The following RNF19A variants were observed in gnomAD, a reference collection of about 807,000 sequenced individuals.
RNF19A encodes ring finger protein 19A, RBR E3 ubiquitin protein ligase, also known as E3 ubiquitin-protein ligase RNF19A.
A neutral mutation model predicts 75.7 loss-of-function variants in RNF19A; 32 were observed. The observed-to-expected ratio is 0.42, with a 90% CI of 0.32 to 0.57. The LOEUF is 0.57. RNF19A is among the 20% of genes least tolerant of loss of function. The pLI, the probability that RNF19A is intolerant of heterozygous loss-of-function variation, is 0.10. For missense variants in RNF19A, 782 were observed against 1,036.3 expected (o/e 0.75, Z 3.37); for synonymous variants, 335 against 345.2 (o/e 0.97, Z 0.33).
At chr8:100,304,225 G>C (rs1821970247) in intron 1 of RNF19A, among the ~76,000 whole-genome samples, 1 of 152,112 alleles carries the variant, frequency 6.6e-6, no homozygotes, top group Non-Finnish European at 1.5e-5. Flanking sequence ...GCCTCCCAAA[G>C]TGCTGGAATT....
chr8:100,310,282 G>C (rs1822254433), upstream of RNF19A: 1 of 974,852 alleles, frequency 1.0e-6, no homozygotes. Context: ...CCGCGCCCGC[G>C]CAGGAGCCGC....
Position 100,288,260 on chromosome 8 carries a change from T to C in RNF19A, c.-86A>G, listed in dbSNP as rs755264715. 1.4e-4 allele frequency: 186 copies of C among 1,376,180 alleles called. No homozygotes were observed. Among genetic ancestry groups the C allele is most frequent in the Middle Eastern group, 2.5e-4 (1 of 3,996 alleles). The allele number at this position is 1,376,180 out of a possible 1,614,324, so 85.2% of individuals were successfully genotyped here. A position where few individuals can be genotyped will look rare whatever the true frequency, so the allele number is the denominator to read the frequency against. ...TTCGATTTACAGAAGACTGCTATCA[T>C]GGATGTTCTGAAAAATAAAAAATAA... On this transcript the variant is annotated 5_prime_UTR_variant, in exon 2 of 10. The change abolishes an upstream ATG in the 5' untranslated region. Coordinates refer to ENST00000341084, the MANE Select transcript of RNF19A (RefSeq NM_183419.4).
Position 100,287,588 on chromosome 8 carries a change from ACAT to A in RNF19A, c.584_586del (p.Asp195del). On this transcript the variant is annotated inframe_deletion, in exon 2 of 10. Coordinates refer to ENST00000341084, the MANE Select transcript of RNF19A (RefSeq NM_183419.4). The surrounding 1 kb of genome is among the most constrained non-coding windows in gnomAD (Gnocchi z 4.1). ...AAATTCTTCGTATTTTTCCATCAAG[ACAT>A]CATCACTTAATATCAAGCGAATATC... The A allele has an allele frequency of 6.2e-7, 1 of 1,614,138 alleles. No individual in the cohort carries two copies.
chr8:100,280,924 C>T (rs1174319446), intron 2 of RNF19A, among the ~76,000 whole-genome samples: 2 of 152,164 alleles, frequency 1.3e-5, no homozygotes, highest in Non-Finnish European at 2.9e-5. Flanking sequence ...AAATTAAATA[C>T]AAGACACTTG....
intron 1 of RNF19A, among the ~76,000 whole-genome samples, chr8:100,328,549 G>C (rs1311714509): frequency 6.6e-6 from 1 of 151,756 alleles, no homozygotes; most frequent in Non-Finnish European, 1.5e-5. Context: ...TCGGCTCCCT[G>C]CAACCTCCAC....
intron 1 of RNF19A, among the ~76,000 whole-genome samples, chr8:100,305,213 T>C (rs562467791): frequency 6.6e-6 from 1 of 152,256 alleles, no homozygotes; most frequent in Non-Finnish European, 1.5e-5. Flanking sequence ...GATTACAGGA[T>C]TATACATTGG....
intron 1 of RNF19A, among the ~76,000 whole-genome samples, chr8:100,295,523 A>G (rs915326769): frequency 6.6e-6 from 1 of 152,206 alleles, no homozygotes; most frequent in Admixed American, 6.6e-5. Flanking sequence ...ACTATTTTGG[A>G]TCTGCTCAGC....
At chr8:100,314,577 C>T (rs1822346567), upstream of RNF19A, among the ~76,000 whole-genome samples, 1 of 152,148 alleles carries the variant, frequency 6.6e-6, no homozygotes, top group Non-Finnish European at 1.5e-5. The surrounding 1 kb of genome is among the most constrained non-coding windows in gnomAD (Gnocchi z 4.1). Flanking sequence ...TCCCCCCATC[C>T]TTTCCTGTCT....
chr8:100,304,026 G>A (rs1341717911), intron 1 of RNF19A, among the ~76,000 whole-genome samples: 2 of 151,950 alleles, frequency 1.3e-5, no homozygotes, highest in Non-Finnish European at 2.9e-5. Context: ...TCGCAATCTC[G>A]GCTCACTATA....
chr8:100,320,955 A>T (rs1466121469), intron 1 of RNF19A, among the ~76,000 whole-genome samples: 3 of 152,258 alleles, frequency 2.0e-5, no homozygotes, highest in Non-Finnish European at 4.4e-5. Context: ...ATTTAAAAAT[A>T]CTTCATTGCT....
At chr8:100,285,459 T>G (rs1438630599) in intron 2 of RNF19A, among the ~76,000 whole-genome samples, 1 of 152,290 alleles carries the variant, frequency 6.6e-6, no homozygotes, top group East Asian at 1.9e-4. Context: ...CCTATTGTGT[T>G]CAATTAGGTT....
intron 1 of RNF19A, among the ~76,000 whole-genome samples, chr8:100,326,800 A>G (rs560446738): frequency 1.3e-5 from 2 of 152,268 alleles, no homozygotes; most frequent in African/African-American, 2.4e-5. Flanking sequence ...GTCTGTATCA[A>G]ACACAAAACT....
intron 5 of RNF19A, 140 bp downstream of exon 5, chr8:100,268,645 A>G: frequency 2.2e-6 from 1 of 453,156 alleles, no homozygotes; most frequent in Non-Finnish European, 3.7e-6. Context: ...AAAAAGAGTA[A>G]CTGTTTTATA....
At position 100,260,046 on chromosome 8, in the gene RNF19A, A is replaced by G; in HGVS notation, c.1683-49T>C. The G allele has an allele frequency of 6.7e-7, 1 of 1,482,152 alleles. No individual in the cohort carries two copies. The highest frequency in any genetic ancestry group is 1.4e-5 in the African/African-American group (1 of 71,852). The allele number at this position is 1,482,152 out of a possible 1,614,324, so 91.8% of individuals were successfully genotyped here. ...CAAAATTATATTTAATATCAGCACT[A>G]CTGTAATATGTATCTTTAAATAATT... On this transcript the variant is annotated intron_variant, in intron 8 of 9. Coordinates refer to ENST00000341084, the MANE Select transcript of RNF19A (RefSeq NM_183419.4). The surrounding 1 kb of genome is among the most constrained non-coding windows in gnomAD (Gnocchi z 4.1).
chr8:100,315,013 C>T (rs954359636), intron 1 of RNF19A, among the ~76,000 whole-genome samples: 7 of 152,126 alleles, frequency 4.6e-5, no homozygotes, highest in Non-Finnish European at 7.4e-5. Context: ...AAACTGACAT[C>T]GAGAAAATCA....
At chr8:100,279,204 T>C (rs1820664724) in intron 2 of RNF19A, among the ~76,000 whole-genome samples, 1 of 152,152 alleles carries the variant, frequency 6.6e-6, no homozygotes, top group Admixed American at 6.5e-5. Context: ...ATTATATCAA[T>C]AGTGATATTA....
Position 100,324,799 on chromosome 8 carries a change from T to G in RNF19A, c.-243+11309A>C, listed in dbSNP as rs1310372103. Among the ~76,000 whole-genome samples, 3 of 151,958 alleles carry G rather than the reference T, an allele frequency of 2.0e-5. No individual in the cohort carries two copies. Among genetic ancestry groups the G allele is most frequent in the Non-Finnish European group, 2.9e-5 (2 of 67,938 alleles). On this transcript the variant is annotated intron_variant, in intron 1 of 3. Transcript: ENST00000519527. This position sits in a 1 kb window ranked among gnomAD's most constrained non-coding sequence, Gnocchi z 4.2. ...CATTGATCTATCTTTTTTCTTTCTT[T>G]CTCTTTCTTCTTCCTTCCTTCCTTC...
chr8:100,304,255 C>T (rs1348742301), intron 1 of RNF19A, among the ~76,000 whole-genome samples: 2 of 152,240 alleles, frequency 1.3e-5, no homozygotes, highest in East Asian at 1.9e-4. Flanking sequence ...AGTCACCATG[C>T]CTGACAAAAG....
At chr8:100,335,999 C>T (rs2130436977) in intron 1 of RNF19A, 1 of 152,358 alleles carries the variant, frequency 6.6e-6, no homozygotes, top group East Asian at 1.9e-4. Flanking sequence ...CCAGATTCTC[C>T]CTTTGGAGAA....
Sources: allele counts gnomAD v4.1 joint callset (sites outside exome capture counted in the v4.1 genomes callset), GRCh38; gene constraint gnomAD v4.1.1; non-coding constraint Gnocchi (gnomAD v3.1); transcripts MANE v1.5; gene names NCBI Gene and HGNC (gene_info 2026-07-23, HGNC 2026-07-21).